The following SYCP1 variants were observed in gnomAD, a reference collection of about 807,000 sequenced individuals.
SYCP1 encodes synaptonemal complex protein 1, also known as cancer/testis antigen 8.
Under a neutral mutation model 153.1 loss-of-function variants are expected in SYCP1, and 64 were observed. The ratio of observed to expected loss-of-function variants is 0.42; its 90% CI spans 0.34 to 0.51. The LOEUF is 0.51. Among genes scored for constraint, SYCP1 ranks in the 20% least tolerant of loss-of-function variants. The pLI is 0.06. For missense variants in SYCP1, 997 were observed against 1,049.0 expected (o/e 0.95, Z 0.68); for synonymous variants, 384 against 341.8 (o/e 1.12, Z -1.36).
chr1:114,964,346 T>A (rs915368423), intron 27 of SYCP1, among the ~76,000 whole-genome samples: 1 of 152,220 alleles, frequency 6.6e-6, no homozygotes, highest in Non-Finnish European at 1.5e-5. Flanking sequence ...TGATGATAGT[T>A]TCTTTGGCTG....
chr1:114,892,781 T>G (rs1666808857), intron 15 of SYCP1, among the ~76,000 whole-genome samples: 1 of 151,926 alleles, frequency 6.6e-6, no homozygotes, highest in African/African-American at 2.4e-5. Flanking sequence ...TTGGTAGCAG[T>G]AGCCAGCAGT....
chr1:114,928,060 A>G (rs554664995), intron 23 of SYCP1, among the ~76,000 whole-genome samples: 1 of 152,232 alleles, frequency 6.6e-6, no homozygotes, highest in South Asian at 2.1e-4. Context: ...GGCTCAAGTG[A>G]TCCACCTGCC....
intron 8 of SYCP1, among the ~76,000 whole-genome samples, chr1:114,867,943 T>C (rs937457717): frequency 1.6e-4 from 24 of 152,050 alleles, no homozygotes; most frequent in African/African-American, 5.8e-4. Context: ...CTATTCCTAG[T>C]TTACTAAAAG....
chr1:114,947,628 A>G (rs1340591853), intron 27 of SYCP1, among the ~76,000 whole-genome samples: 2 of 151,828 alleles, frequency 1.3e-5, no homozygotes, highest in Admixed American at 1.3e-4. Flanking sequence ...CCTGGCTAAC[A>G]CGGTGAAACC....
At chr1:114,986,936 A>T (rs1323217909) in intron 30 of SYCP1, among the ~76,000 whole-genome samples, 2 of 152,032 alleles carry the variant, frequency 1.3e-5, no homozygotes. Flanking sequence ...GTCCTGTGTC[A>T]GGAAGCCATG....
At position 114,887,433 on chromosome 1, in the gene SYCP1, G is replaced by A. The variant is rs567946901; in HGVS notation, c.1191-193G>A. On this transcript the variant is annotated intron_variant, in intron 14 of 31. Transcript: ENST00000369522. ...TTACATAAATGTAATATAGAATTAT[G>A]TATTTATAATAGTAATATCTTATTT... Among the ~76,000 whole-genome samples, 9 of 151,848 alleles carry A rather than the reference G, an allele frequency of 5.9e-5. No individual in the cohort carries two copies. In the South Asian group the frequency reaches 1.9e-3, roughly 32 times the overall value.
At chr1:114,994,552 T>C in intron 30 of SYCP1, 146 bp from the exon 31 acceptor site, 2 of 478,216 alleles carry the variant, frequency 4.2e-6, no homozygotes, top group African/African-American at 2.0e-5. Flanking sequence ...CTTCTTTCTC[T>C]TTCCTCCTCC....
At chr1:114,913,331 C>A (rs1208497856) in intron 19 of SYCP1, among the ~76,000 whole-genome samples, 181 bp downstream of exon 19, 1 of 151,954 alleles carries the variant, frequency 6.6e-6, no homozygotes, top group African/African-American at 2.4e-5. Flanking sequence ...AGGCTACCCT[C>A]TGATTAAAAT....
intron 27 of SYCP1, among the ~76,000 whole-genome samples, chr1:114,964,552 A>G (rs1355222086): frequency 6.6e-6 from 1 of 152,050 alleles, no homozygotes; most frequent in East Asian, 1.9e-4. Flanking sequence ...TAATTTTTGT[A>G]TAAGATGTAA....
At chr1:114,988,113 G>GAAAAT (rs1313858477) in intron 30 of SYCP1, among the ~76,000 whole-genome samples, 3 of 144,162 alleles carry the variant, frequency 2.1e-5, no homozygotes, top group Non-Finnish European at 4.6e-5. Context: ...GAAAAGAAAA[G>GAAAAT]AAAAGTGAAC....
Position 114,887,610 on chromosome 1 carries a change from T to A in SYCP1, c.1191-16T>A, listed in dbSNP as rs1666402253. On this transcript the variant is annotated splice_polypyrimidine_tract_variant and intron_variant, in intron 14 of 31. Transcript: ENST00000369522. ...CTAAAATAATATTTTGTATTGAAAATGATATATTTTACAAGATTGGAAAAA... is the reference window on the plus strand; with the variant it reads ...CTAAAATAATATTTTGTATTGAAAAAGATATATTTTACAAGATTGGAAAAA... 6.7e-7 allele frequency: 1 copy of A among 1,487,644 alleles called. No homozygotes were observed. Among genetic ancestry groups the A allele is most frequent in the African/African-American group, 1.4e-5 (1 of 70,828 alleles). The allele number at this position is 1,487,644 out of a possible 1,614,324, so 92.2% of individuals were successfully genotyped here.
At chr1:114,946,526 T>G (rs1035410327) in intron 26 of SYCP1, 145 bp downstream of exon 26, 12 of 455,024 alleles carry the variant, frequency 2.6e-5, no homozygotes, top group African/African-American at 2.1e-4. Flanking sequence ...GATCTTCTAG[T>G]TACATGTTTT....
intron 27 of SYCP1, among the ~76,000 whole-genome samples, chr1:114,954,550 T>A (rs1438110228): frequency 6.8e-6 from 1 of 147,222 alleles, no homozygotes; most frequent in Non-Finnish European, 1.5e-5. Flanking sequence ...GTATGCTTTT[T>A]ATTTATTTAT....
intron 6 of SYCP1, 106 bp from the exon 7 acceptor site, chr1:114,859,637 T>C: frequency 1.9e-6 from 1 of 514,874 alleles, no homozygotes; most frequent in Non-Finnish European, 2.9e-6. Context: ...AAAATAATTC[T>C]TTTAGACCAT....
At chr1:114,877,493 G>A (rs1665620891) in intron 11 of SYCP1, among the ~76,000 whole-genome samples, 1 of 152,172 alleles carries the variant, frequency 6.6e-6, no homozygotes, top group Middle Eastern at 3.4e-3. Flanking sequence ...TGGTTAACAA[G>A]GATATCTACT....
chr1:114,908,226 T>C (rs2101657330), intron 16 of SYCP1, among the ~76,000 whole-genome samples: 1 of 152,150 alleles, frequency 6.6e-6, no homozygotes, highest in African/African-American at 2.4e-5. Context: ...ACAGTTTTGT[T>C]TCTTTCAGCA....
intron 16 of SYCP1, among the ~76,000 whole-genome samples, chr1:114,901,701 C>A (rs1018490241): frequency 6.6e-6 from 1 of 152,170 alleles, no homozygotes. Context: ...ATGCAAAGCA[C>A]GCTAGATTGG....
At chr1:114,869,580 G>T (rs1664978132) in intron 8 of SYCP1, among the ~76,000 whole-genome samples, 1 of 152,120 alleles carries the variant, frequency 6.6e-6, no homozygotes, top group African/African-American at 2.4e-5. Context: ...AGGTTAAGCA[G>T]CCCTAATCCA....
At chr1:114,883,839 T>C (rs1666114383) in intron 12 of SYCP1, among the ~76,000 whole-genome samples, 2 of 152,076 alleles carry the variant, frequency 1.3e-5, no homozygotes, top group South Asian at 4.1e-4. Flanking sequence ...ACTACAGGCA[T>C]GCACCACCAT....
Sources: gnomAD v4.1 joint callset for allele counts (sites outside exome capture counted in the v4.1 genomes callset) on GRCh38, gnomAD v4.1.1 for gene constraint, MANE v1.5 for transcripts, NCBI Gene and HGNC (gene_info 2026-07-23, HGNC 2026-07-21) for gene names.